Variants in CPA6 observed in about 807,000 individuals in gnomAD.
The protein encoded by CPA6 is carboxypeptidase B.
In CPA6, 58 loss-of-function variants were observed where a neutral mutation model predicts 63.3. That is an observed-to-expected ratio of 0.92 (90% CI 0.74 to 1.14). The LOEUF is 1.14. CPA6 is among the 50% of genes most tolerant of loss of function. The probability of loss-of-function intolerance (pLI) is 0.00; values close to 1 mark genes in which losing one functional copy is unlikely to be tolerated. For synonymous variants in CPA6, 185 were observed against 179.0 expected, an observed-to-expected ratio of 1.03 and a Z score of -0.27; for missense variants, 565 against 526.6, an observed-to-expected ratio of 1.07 and a Z score of -0.71.
Position 67,653,947 on chromosome 8 carries a change from A to T in CPA6, c.117-29696T>A, listed in dbSNP as rs1338048268. The stretch of plus-strand genomic sequence containing the variant: ...ACCTAATTTATTGAGAGTTTTTAGC[A>T]TGAAGCGTTGTTGAATTTTGTCAAA... On this transcript the variant is annotated intron_variant, in intron 1 of 10. Coordinates refer to ENST00000297770, the MANE Select transcript of CPA6 (RefSeq NM_020361.5). Among the ~76,000 whole-genome samples the T allele has an allele frequency of 9.9e-5, 15 of 151,446 alleles. 1 individual carries two copies. Among genetic ancestry groups the T allele is most frequent in the Admixed American group, 5.9e-4 (9 of 15,218 alleles).
intron 8 of CPA6, among the ~76,000 whole-genome samples, chr8:67,457,701 A>T (rs908349297): frequency 6.6e-6 from 1 of 152,116 alleles, no homozygotes; most frequent in African/African-American, 2.4e-5. Flanking sequence ...AACCCCAGAA[A>T]AAAAAAATGC....
At chr8:67,533,897 C>T (rs1277777535) in intron 2 of CPA6, among the ~76,000 whole-genome samples, 1 of 152,216 alleles carries the variant, frequency 6.6e-6, no homozygotes, top group Non-Finnish European at 1.5e-5. Flanking sequence ...GTTTATCAGT[C>T]TTTTCCCCAT....
At chr8:67,423,069 GA>G (rs545213408) in intron 10 of CPA6, among the ~76,000 whole-genome samples, 66 of 152,094 alleles carry the variant, frequency 4.3e-4, no homozygotes, top group African/African-American at 1.2e-3. Flanking sequence ...CTAGAATATT[GA>G]AATTGTGTTC....
At chr8:67,434,710 C>T (rs1405792387) in intron 8 of CPA6, among the ~76,000 whole-genome samples, 1 of 152,118 alleles carries the variant, frequency 6.6e-6, no homozygotes, top group African/African-American at 2.4e-5. Flanking sequence ...GCAGCTGCAG[C>T]TGCAGCAGTG....
At chr8:67,543,791 A>ATTATTT (rs909485262) in intron 2 of CPA6, among the ~76,000 whole-genome samples, 3 of 150,818 alleles carry the variant, frequency 2.0e-5, no homozygotes, top group Admixed American at 6.6e-5. Context: ...TATTATTATT[A>ATTATTT]TTATTTTTAA....
chr8:67,502,963 C>T (rs1034947880), intron 6 of CPA6, among the ~76,000 whole-genome samples: 4 of 152,136 alleles, frequency 2.6e-5, no homozygotes, highest in African/African-American at 9.7e-5. Context: ...TTGTTGGGTA[C>T]AGTCTATTAG....
intron 6 of CPA6, among the ~76,000 whole-genome samples, chr8:67,487,674 T>G (rs1811511181): frequency 6.6e-6 from 1 of 152,142 alleles, no homozygotes; most frequent in Non-Finnish European, 1.5e-5. Context: ...CCACCAACAG[T>G]GTAAATAAAA....
intron 1 of CPA6, among the ~76,000 whole-genome samples, chr8:67,636,235 T>C (rs746430930): frequency 2.6e-5 from 4 of 151,592 alleles, no homozygotes; most frequent in Non-Finnish European, 4.4e-5. Context: ...ATGAGGCAGA[T>C]TCACCCCAAG....
chr8:67,640,928 G>C (rs958943035), intron 1 of CPA6, among the ~76,000 whole-genome samples: 1 of 151,712 alleles, frequency 6.6e-6, no homozygotes, highest in South Asian at 2.1e-4. Context: ...CCTGGGATGC[G>C]GCAGGGAGTG....
At chr8:67,633,680 C>A (rs74764603) in intron 1 of CPA6, among the ~76,000 whole-genome samples, 644 of 111,590 alleles carry the variant, frequency 5.8e-3, no homozygotes, top group Admixed American at 7.0e-3. Flanking sequence ...GACTCCGTCT[C>A]AAAAAAAAAA....
intron 1 of CPA6, among the ~76,000 whole-genome samples, chr8:67,643,587 C>T (rs574613454): frequency 2.6e-5 from 4 of 151,608 alleles, no homozygotes; most frequent in South Asian, 2.1e-4. Flanking sequence ...ACAAGGCTAC[C>T]GGTAACCTCA....
chr8:67,645,029 A>T (rs2128990478), intron 1 of CPA6, among the ~76,000 whole-genome samples: 1 of 152,250 alleles, frequency 6.6e-6, no homozygotes, highest in Non-Finnish European at 1.5e-5. Flanking sequence ...TTCAGAATAA[A>T]GGCAAAACTT....
At chr8:67,476,553 CTT>C (rs71554607) in intron 8 of CPA6, among the ~76,000 whole-genome samples, 9,616 of 141,976 alleles carry the variant, frequency 0.068, 703 homozygotes, top group African/African-American at 0.19. Context: ...CTCTCTCTCT[CTT>C]TTTTTTTTTT....
intron 2 of CPA6, among the ~76,000 whole-genome samples, chr8:67,547,133 G>A (rs1195956258): frequency 6.6e-6 from 1 of 151,206 alleles, no homozygotes; most frequent in Non-Finnish European, 1.5e-5. Context: ...TGCAAGCTCT[G>A]CCTCCTGGGT....
intron 10 of CPA6, among the ~76,000 whole-genome samples, chr8:67,427,599 A>G (rs1809922001): frequency 6.6e-6 from 1 of 152,184 alleles, no homozygotes; most frequent in Non-Finnish European, 1.5e-5. Flanking sequence ...ATCATCTTTT[A>G]AGGGATAATT....
At chr8:67,677,389 T>C (rs1490078050) in intron 1 of CPA6, among the ~76,000 whole-genome samples, 1 of 150,836 alleles carries the variant, frequency 6.6e-6, no homozygotes, top group Non-Finnish European at 1.5e-5. Context: ...GGGGAAGATA[T>C]TGTTCTGGGA....
chr8:67,550,410 A>G (rs1812914461), intron 2 of CPA6, among the ~76,000 whole-genome samples: 1 of 152,192 alleles, frequency 6.6e-6, no homozygotes, highest in Non-Finnish European at 1.5e-5. Flanking sequence ...TCCATGGTAT[A>G]TATGTACCAC....
intron 1 of CPA6, among the ~76,000 whole-genome samples, chr8:67,671,286 G>A (rs1189606554): frequency 6.6e-6 from 1 of 152,164 alleles, no homozygotes; most frequent in African/African-American, 2.4e-5. Context: ...TCAGTTGTCT[G>A]CAGCTGTGGT....
At chr8:67,434,938 T>C (rs1587420828) in intron 8 of CPA6, among the ~76,000 whole-genome samples, 1 of 152,316 alleles carries the variant, frequency 6.6e-6, no homozygotes, top group African/African-American at 2.4e-5. Flanking sequence ...AGCAGGCGCC[T>C]GCGCCCAGAC....
Sources: gnomAD v4.1 joint callset for allele counts (sites outside exome capture counted in the v4.1 genomes callset) on GRCh38, gnomAD v4.1.1 for gene constraint, MANE v1.5 for transcripts, NCBI Gene and HGNC (gene_info 2026-07-23, HGNC 2026-07-21) for gene names.